ANKRD44: variants seen among roughly 807,000 people sequenced by gnomAD.
ANKRD44 encodes the protein ankyrin repeat domain 44.
ANKRD44 carries 35 observed loss-of-function variants against 116.0 expected under a neutral mutation model. The ratio of observed to expected loss-of-function variants is 0.30; its 90% CI spans 0.23 to 0.40. The LOEUF is 0.40. Among genes scored for constraint, ANKRD44 ranks in the 10% least tolerant of loss-of-function variants. The pLI, the probability that ANKRD44 is intolerant of heterozygous loss-of-function variation, is 1.00. For synonymous variants in ANKRD44, 435 were observed against 461.8 expected, an observed-to-expected ratio of 0.94 and a Z score of 0.74; for missense variants, 1,014 against 1,242.6, an observed-to-expected ratio of 0.82 and a Z score of 2.77.
intron 18 of ANKRD44, among the ~76,000 whole-genome samples, chr2:197,010,103 G>T (rs976939518): frequency 2.6e-5 from 4 of 152,110 alleles, no homozygotes; most frequent in African/African-American, 4.8e-5. Context: ...GGAGAGGGGA[G>T]ACGGTCAGAA....
intron 3 of ANKRD44, among the ~76,000 whole-genome samples, chr2:197,139,848 T>TTGTGTGTGTGTG (rs71012957): frequency 3.8e-5 from 5 of 131,598 alleles, no homozygotes; most frequent in Non-Finnish European, 4.8e-5. Context: ...TAAGCTGCTT[T>TTGTGTGTGTGTG]TGTGTGTGTG....
At position 197,263,377 on chromosome 2, in the gene ANKRD44, G is replaced by C. The variant is rs961066302; in HGVS notation, c.27+47201C>G. 4.8e-6 allele frequency: 3 copies of C among 622,904 alleles called. No individual in the cohort carries two copies. The African/African-American group carries it at 5.7e-5, about 12-fold the overall frequency. The allele number at this position is 622,904 out of a possible 1,614,324, so 38.6% of individuals were successfully genotyped here. On this transcript the variant is annotated intron_variant, in intron 1 of 27. Coordinates refer to ENST00000282272, the MANE Select transcript of ANKRD44 (RefSeq NM_001195144.2). The stretch of plus-strand genomic sequence containing the variant: ...AGTTGGGGTGGCGGGCTCTGGGGCT[G>C]GGATTGCGACTGTGTTTGGGAGCCT...
At chr2:197,267,663 A>G (rs1460091323) in intron 1 of ANKRD44, among the ~76,000 whole-genome samples, 27 of 152,210 alleles carry the variant, frequency 1.8e-4, no homozygotes, top group Admixed American at 1.8e-3. Flanking sequence ...GCTCCATGAG[A>G]CAGGGTATCT....
chr2:196,998,362 G>A lies in ANKRD44; in HGVS notation c.2723C>T (p.Thr908Ile), dbSNP rs764885342. 1.4e-5 allele frequency: 22 copies of A among 1,613,428 alleles called. No individual in the cohort carries two copies. Among genetic ancestry groups the A allele is most frequent in the Non-Finnish European group, 1.8e-5 (21 of 1,179,650 alleles). Reference protein sequence around the residue: ...DLTVKDKDLNTPLHLACSKGH... With the variant: ...DLTVKDKDLNIPLHLACSKGH... ...TTTACTACAAGCCAAATGTAAGGGT[G>A]TATTCAAGTCCTTATCCTTTACAGT... Residue 908 changes from threonine (T) to isoleucine (I), a missense_variant, in exon 25 of 28, where the codon ACA becomes ATA. By Grantham distance (89) the Thr-to-Ile change is moderately conservative (BLOSUM62 -1). Coordinates refer to ENST00000282272, the MANE Select transcript of ANKRD44 (RefSeq NM_001195144.2).
chr2:197,055,925 A>G (rs1443977297), intron 16 of ANKRD44, among the ~76,000 whole-genome samples: 1 of 152,030 alleles, frequency 6.6e-6, no homozygotes, highest in Non-Finnish European at 1.5e-5. Context: ...GGGTCTTGCT[A>G]TGTCACCAGG....
At chr2:197,026,541 C>T (rs188321944) in intron 16 of ANKRD44, among the ~76,000 whole-genome samples, 187 of 152,274 alleles carry the variant, frequency 1.2e-3, no homozygotes, top group South Asian at 0.011. Flanking sequence ...CATCAGGAGG[C>T]TGGAGCCAAG....
intron 1 of ANKRD44, among the ~76,000 whole-genome samples, chr2:197,211,636 C>A (rs2081326417): frequency 6.6e-6 from 1 of 152,106 alleles, no homozygotes; most frequent in Non-Finnish European, 1.5e-5. Context: ...TCACGCTAAT[C>A]CCATGAGTAC....
chr2:197,047,952 A>G (rs906451105), intron 16 of ANKRD44, among the ~76,000 whole-genome samples: 1 of 152,030 alleles, frequency 6.6e-6, no homozygotes, highest in Non-Finnish European at 1.5e-5. Context: ...TTGAATACCT[A>G]TAACAAATGC....
chr2:197,182,220 G>A (rs775101184), intron 2 of ANKRD44, among the ~76,000 whole-genome samples: 111 of 152,172 alleles, frequency 7.3e-4, no homozygotes, highest in Non-Finnish European at 3.4e-4. Context: ...CCAAATCTGC[G>A]TCGATTTAAA....
intron 1 of ANKRD44, chr2:197,263,388 T>A: frequency 1.6e-6 from 1 of 613,560 alleles, no homozygotes; most frequent in Non-Finnish European, 3.0e-6. Flanking sequence ...GGATTGCGAC[T>A]GTGTTTGGGA....
At chr2:196,989,775 CA>C in intron 27 of ANKRD44, 126 bp from the exon 28 acceptor site, 2 of 1,482,024 alleles carry the variant, frequency 1.3e-6, no homozygotes, top group South Asian at 1.3e-5. Context: ...TTCCTTTTTG[CA>C]GTCACACTTT....
intron 27 of ANKRD44, among the ~76,000 whole-genome samples, chr2:196,991,856 T>G (rs968748451): frequency 4.6e-5 from 7 of 152,062 alleles, no homozygotes; most frequent in African/African-American, 9.7e-5. Context: ...CTTCCCAAAG[T>G]CCTGGGATTA....
intron 16 of ANKRD44, among the ~76,000 whole-genome samples, chr2:197,040,501 C>T (rs144899914): frequency 0.063 from 9,482 of 151,282 alleles, 1,010 homozygotes; most frequent in African/African-American, 0.22. Flanking sequence ...CTCAGCCTCC[C>T]GAGCAGCTGG....
rs1252061799 is a variant in ANKRD44 at position 197,122,629 on chromosome 2, G to A, written c.693+21C>T. 2.5e-6 allele frequency: 4 copies of A among 1,609,574 alleles called. No individual in the cohort carries two copies. In the African/African-American group the frequency reaches 5.4e-5, roughly 22 times the overall value. The stretch of plus-strand genomic sequence containing the variant: ...CTTACAAATACACTGGCCATGCATT[G>A]ATGCATTCATCATAGCTCACCTCCA... On this transcript the variant is annotated intron_variant, in intron 7 of 27. Transcript: ENST00000282272.
intron 13 of ANKRD44, among the ~76,000 whole-genome samples, chr2:197,083,712 GGTT>G (rs1379845842): frequency 6.6e-6 from 1 of 152,170 alleles, no homozygotes; most frequent in East Asian, 1.9e-4. Context: ...TGTTCTGGAT[GGTT>G]GAGCATCTTT....
intron 10 of ANKRD44, among the ~76,000 whole-genome samples, chr2:197,094,624 G>A (rs2078120142): frequency 6.6e-6 from 1 of 152,174 alleles, no homozygotes; most frequent in Non-Finnish European, 1.5e-5. Flanking sequence ...TACCTCACAA[G>A]TGTCCCAGCA....
intron 10 of ANKRD44, among the ~76,000 whole-genome samples, chr2:197,095,474 A>AC (rs2078139855): frequency 6.6e-6 from 1 of 152,226 alleles, no homozygotes. Context: ...ACTTTAAGCC[A>AC]CTGCAAAACC....
chr2:197,067,438 A>G (rs2077458445), intron 16 of ANKRD44, among the ~76,000 whole-genome samples: 1 of 151,876 alleles, frequency 6.6e-6, no homozygotes, highest in African/African-American at 2.4e-5. Context: ...ACAACATGGG[A>G]GAAAATTTTC....
At position 196,988,623 on chromosome 2, in the gene ANKRD44, A is replaced by G; in HGVS notation, c.*968T>C. On this transcript the variant is annotated 3_prime_UTR_variant, in exon 28 of 28. Transcript: ENST00000282272. The stretch of plus-strand genomic sequence containing the variant: ...GTTATCTGTCTTTGATCCAGATATG[A>G]TAGAACATTATTTTTGAAATATCTC... 1.0e-6 allele frequency: 1 copy of G among 984,946 alleles called. No homozygotes were observed. The highest frequency in any genetic ancestry group is 1.2e-6 in the Non-Finnish European group (1 of 829,464). The allele number at this position is 984,946 out of a possible 1,614,324, so 61.0% of individuals were successfully genotyped here.
Sources: gnomAD v4.1 joint callset for allele counts (sites outside exome capture counted in the v4.1 genomes callset) on GRCh38, gnomAD v4.1.1 for gene constraint, MANE v1.5 for transcripts, NCBI Gene and HGNC (gene_info 2026-07-23, HGNC 2026-07-21) for gene names.